TNNI3K: variants seen among roughly 807,000 people sequenced by gnomAD.
TNNI3K encodes serine/threonine-protein kinase TNNI3K.
In TNNI3K, 140 loss-of-function variants were observed where a neutral mutation model predicts 114.5. The observed-to-expected ratio is 1.22, with a 90% CI of 1.07 to 1.41. TNNI3K has a LOEUF of 1.41. TNNI3K is among the 40% of genes most tolerant of loss of function. TNNI3K has a pLI of 0.00. For synonymous variants in TNNI3K, 347 were observed against 347.5 expected (o/e 1.00, Z 0.02); for missense variants, 1,125 against 1,007.6 (o/e 1.12, Z -1.58).
At chr1:74,372,399 G>A (rs1418763892) in intron 17 of TNNI3K, 2 of 151,746 alleles carry the variant, frequency 1.3e-5, no homozygotes, top group Non-Finnish European at 2.9e-5. Context: ...AAAGATAGGA[G>A]AGATAAATCA....
intron 17 of TNNI3K, chr1:74,374,236 G>A (rs1240727417): frequency 6.6e-6 from 1 of 151,798 alleles, no homozygotes; most frequent in Non-Finnish European, 1.5e-5. Flanking sequence ...ATATACTAAG[G>A]AAAAGTTCAA....
intron 5 of TNNI3K, among the ~76,000 whole-genome samples, chr1:74,317,802 T>C (rs1229584225): frequency 1.3e-5 from 2 of 152,220 alleles, no homozygotes; most frequent in Non-Finnish European, 2.9e-5. Flanking sequence ...CCCTGGGCAC[T>C]GTTGCCACTA....
At chr1:74,380,304 T>C (rs1663134127) in intron 17 of TNNI3K, among the ~76,000 whole-genome samples, 1 of 152,182 alleles carries the variant, frequency 6.6e-6, no homozygotes, top group African/African-American at 2.4e-5. Flanking sequence ...ACTTTTTATT[T>C]GCTATAAAAA....
At chr1:74,413,992 T>C (rs1181000057) in intron 17 of TNNI3K, among the ~76,000 whole-genome samples, 1 of 152,162 alleles carries the variant, frequency 6.6e-6, no homozygotes, top group African/African-American at 2.4e-5. Flanking sequence ...ATTTGCTGTA[T>C]GATAGCAGAA....
rs201192795 is a variant in TNNI3K at position 74,540,301 on chromosome 1, A to G, written c.2419A>G (p.Ile807Val). The G allele has an allele frequency of 1.2e-6, 2 of 1,611,526 alleles. No individual in the cohort carries two copies. Among genetic ancestry groups the G allele is most frequent in the African/African-American group, 2.7e-5 (2 of 74,914 alleles). Reference sequence around the variant, plus strand: ...GAAAAGAAGTCTTCAATACACACCCATTGACAAATATGGTAAGTAGGCAGA... The same window carrying G: ...GAAAAGAAGTCTTCAATACACACCCGTTGACAAATATGGTAAGTAGGCAGA... ...EMKRSLQYTP[I>V]DKYGYVSDPM... Residue 807 changes from isoleucine (I) to valine (V), a missense_variant, in exon 24 of 25, where the codon ATT (isoleucine) becomes GTT (valine). Coordinates refer to ENST00000326637, the MANE Select transcript of TNNI3K (RefSeq NM_015978.3).
chr1:74,385,719 A>T (rs1570555229), intron 17 of TNNI3K, among the ~76,000 whole-genome samples: 1 of 152,202 alleles, frequency 6.6e-6, no homozygotes, highest in African/African-American at 2.4e-5. Flanking sequence ...CAAGCACCAT[A>T]AACACTGACA....
intron 5 of TNNI3K, among the ~76,000 whole-genome samples, chr1:74,306,743 TTTAAG>T (rs1393756322): frequency 1.2e-4 from 18 of 152,148 alleles, no homozygotes; most frequent in African/African-American, 1.7e-4. Context: ...TTGGTGGTGA[TTTAAG>T]TTAAGATATT....
At chr1:74,349,982 T>C (rs558413369) in intron 9 of TNNI3K, among the ~76,000 whole-genome samples, 1 of 152,246 alleles carries the variant, frequency 6.6e-6, no homozygotes, top group South Asian at 2.1e-4. Flanking sequence ...GCAGTTCTGC[T>C]CTGATCTTAG....
rs773092627 is a variant in TNNI3K, at chr1:74,253,814, G to A, written c.333+3045G>A. ...GGCTCCCACAGTGCAGCAGCGGGCTGAAGGGCTCCTCAAGTGCAGCCAGAG... is the reference window on the plus strand; with the variant it reads ...GGCTCCCACAGTGCAGCAGCGGGCTAAAGGGCTCCTCAAGTGCAGCCAGAG... On this transcript the variant is annotated intron_variant, in intron 4 of 24. Coordinates refer to ENST00000326637, the MANE Select transcript of TNNI3K (RefSeq NM_015978.3). 4.3e-4 allele frequency among the ~76,000 whole-genome samples: 65 copies of A among 152,204 alleles called. 1 individual carries two copies. The highest frequency in any genetic ancestry group is 6.0e-4 in the Non-Finnish European group (41 of 68,034).
chr1:74,262,963 T>A (rs1655766056), intron 4 of TNNI3K, among the ~76,000 whole-genome samples: 1 of 152,092 alleles, frequency 6.6e-6, no homozygotes, highest in African/African-American at 2.4e-5. Context: ...CTTAGTTAAA[T>A]CTTTATATCT....
At chr1:74,248,122 C>T (rs569573855) in intron 2 of TNNI3K, among the ~76,000 whole-genome samples, 20 of 152,240 alleles carry the variant, frequency 1.3e-4, no homozygotes, top group African/African-American at 3.6e-4. Context: ...CTGGGGGACC[C>T]GGTGCACCCT....
Position 74,353,995 on chromosome 1 carries a change from G to A in TNNI3K, c.1043G>A (p.Cys348Tyr), listed in dbSNP as rs1399004158. Residue 348 changes from cysteine (C) to tyrosine (Y), a missense_variant, in exon 11 of 25, where the codon TGC becomes TAC. Physicochemically the swap from Cys to Tyr is radical, Grantham distance 194. Coordinates refer to ENST00000326637, the MANE Select transcript of TNNI3K (RefSeq NM_015978.3). The part of the protein sequence containing the change: ...RDGHTGLHSA[C>Y]YHGHIRLVQF... The stretch of plus-strand genomic sequence containing the variant: ...TCTATTACAGGATTACACTCTGCTT[G>A]CTACCACGGTCACATTCGCCTGGTT... 3 of 1,613,650 alleles carry A rather than the reference G, an allele frequency of 1.9e-6. No individual in the cohort carries two copies. In the Admixed American group the frequency reaches 5.0e-5, roughly 27 times the overall value.
At chr1:74,511,524 C>T (rs11210469) in intron 23 of TNNI3K, among the ~76,000 whole-genome samples, 8,111 of 152,172 alleles carry the variant, frequency 0.053, 734 homozygotes, top group African/African-American at 0.18. Flanking sequence ...TTCCCTATTA[C>T]GCTAGCCTCT....
At chr1:74,462,549 A>G (rs537323277) in intron 20 of TNNI3K, among the ~76,000 whole-genome samples, 15 of 152,374 alleles carry the variant, frequency 9.8e-5, no homozygotes, top group African/African-American at 3.1e-4. Context: ...TAAAATGTTT[A>G]TAAATTAAAA....
chr1:74,352,010 A>G (rs1661376609), intron 9 of TNNI3K, among the ~76,000 whole-genome samples: 1 of 152,044 alleles, frequency 6.6e-6, no homozygotes, highest in Non-Finnish European at 1.5e-5. Context: ...ATTGCTGGTG[A>G]GGAGCTGTGT....
chr1:74,329,990 G>A (rs1246247599), intron 5 of TNNI3K, among the ~76,000 whole-genome samples: 3 of 152,146 alleles, frequency 2.0e-5, no homozygotes, highest in African/African-American at 7.2e-5. Flanking sequence ...TTCAAAATGT[G>A]TAATATTTGA....
intron 5 of TNNI3K, among the ~76,000 whole-genome samples, chr1:74,293,624 C>A (rs1657806665): frequency 6.6e-6 from 1 of 151,630 alleles, no homozygotes; most frequent in South Asian, 2.1e-4. Flanking sequence ...TTTATATTTA[C>A]CATGGGAATG....
rs1646761677 is a variant in TNNI3K, at chr1:74,544,290, G to A, written c.*308G>A. ...TCTGTGGTGGACAGATAATAATTAT[G>A]TTTTCCTGGGCTGAATTATGTAGAC... is the stretch of plus-strand genomic sequence containing the variant. On this transcript the variant is annotated 3_prime_UTR_variant, in exon 25 of 25. Coordinates refer to ENST00000326637, the MANE Select transcript of TNNI3K (RefSeq NM_015978.3). 1 of 258,068 alleles carries A rather than the reference G, an allele frequency of 3.9e-6. No homozygotes were observed. The highest frequency in any genetic ancestry group is 7.2e-6 in the Non-Finnish European group (1 of 138,694). The allele number at this position is 258,068 out of a possible 1,614,324, so 16.0% of individuals were successfully genotyped here. A position where few individuals can be genotyped will look rare whatever the true frequency, so the allele number is the denominator to read the frequency against.
At chr1:74,274,616 C>T (rs1557467078) in intron 5 of TNNI3K, among the ~76,000 whole-genome samples, 1 of 151,878 alleles carries the variant, frequency 6.6e-6, no homozygotes, top group Non-Finnish European at 1.5e-5. Context: ...ATAAGCAATT[C>T]AAATGTAAAA....
Sources: gnomAD v4.1 joint callset for allele counts (sites outside exome capture counted in the v4.1 genomes callset) on GRCh38, gnomAD v4.1.1 for gene constraint, MANE v1.5 for transcripts, NCBI Gene and HGNC (gene_info 2026-07-23, HGNC 2026-07-21) for gene names.